The following ZCCHC14 variants were observed in gnomAD, a reference collection of about 807,000 sequenced individuals.
ZCCHC14 encodes zinc finger CCHC domain-containing protein 14.
ZCCHC14 carries 16 observed loss-of-function variants against 85.0 expected under a neutral mutation model. The ratio of observed to expected loss-of-function variants is 0.19; its 90% CI spans 0.13 to 0.29. The LOEUF (loss-of-function observed/expected upper bound fraction) is 0.29. ZCCHC14 is among the 10% of genes least tolerant of loss of function. The pLI, the probability that ZCCHC14 is intolerant of heterozygous loss-of-function variation, is 1.00. For synonymous variants in ZCCHC14, 775 were observed against 630.7 expected (o/e 1.23, Z -3.43); for missense variants, 1,303 against 1,443.5 (o/e 0.90, Z 1.58).
At chr16:87,462,856 G>C (rs1490972038) in intron 1 of ZCCHC14, among the ~76,000 whole-genome samples, 3 of 152,058 alleles carry the variant, frequency 2.0e-5, no homozygotes, top group Admixed American at 6.6e-5. Flanking sequence ...GATCACCTGA[G>C]GTCAGGAGTT....
At chr16:87,437,064 C>T (rs1176987103) in intron 2 of ZCCHC14, among the ~76,000 whole-genome samples, 2 of 152,006 alleles carry the variant, frequency 1.3e-5, no homozygotes, top group Admixed American at 1.3e-4. Context: ...CAGGGGCGGC[C>T]GGGAGCTCAC....
At chr16:87,450,178 G>A (rs978782582) in intron 2 of ZCCHC14, among the ~76,000 whole-genome samples, 1 of 152,164 alleles carries the variant, frequency 6.6e-6, no homozygotes, top group African/African-American at 2.4e-5. Context: ...GATACTTCCT[G>A]CTTTAAAATG....
intron 1 of ZCCHC14, among the ~76,000 whole-genome samples, chr16:87,463,445 C>T (rs997875434): frequency 1.3e-5 from 2 of 152,240 alleles, no homozygotes; most frequent in African/African-American, 2.4e-5. Flanking sequence ...TGAACCTCCA[C>T]ATTCTCTTAG....
intron 2 of ZCCHC14, among the ~76,000 whole-genome samples, chr16:87,440,552 C>A (rs1266968283): frequency 2.0e-5 from 3 of 152,154 alleles, no homozygotes; most frequent in African/African-American, 7.2e-5. Flanking sequence ...AGGGAAGTAT[C>A]CAGAGGTCAC....
chr16:87,412,224 G>A lies in ZCCHC14; in HGVS notation c.2497C>T (p.Leu833=), dbSNP rs1259319517. ...SAMSSMPVGP[L]QGGFCANSNT... ...CTGTTTGCACAGAAGCCACCCTGCA[G>A]GGGGCCCACTGGCATACTGCTCATT... The change falls in exon 12 of 13, where the codon CTG becomes TTG. Residue 833 remains leucine (L), a synonymous_variant. Transcript: ENST00000671377. The A allele has an allele frequency of 6.2e-7, 1 of 1,612,496 alleles. No homozygotes were observed. The highest frequency in any genetic ancestry group is 1.1e-5 in the South Asian group (1 of 91,020).
chr16:87,461,054 C>A (rs1911231923), intron 1 of ZCCHC14, among the ~76,000 whole-genome samples: 1 of 152,242 alleles, frequency 6.6e-6, no homozygotes, highest in Admixed American at 6.5e-5. Context: ...CACCCTCAGT[C>A]CCCATCGACA....
Position 87,412,601 on chromosome 16 carries a change from T to C in ZCCHC14, c.2120A>G (p.Gln707Arg). 6.2e-7 allele frequency: 1 copy of C among 1,614,174 alleles called. No homozygotes were observed. The highest frequency in any genetic ancestry group is 8.5e-7 in the Non-Finnish European group (1 of 1,180,034). The change falls in exon 12 of 13, where the codon CAG becomes CGG. Residue 707 changes from glutamine (Q) to arginine (R), a missense_variant. Coordinates refer to ENST00000671377, the MANE Select transcript of ZCCHC14 (RefSeq NM_015144.3). ...AAGCCCAGAGAGGACCTGCACAGGC[T>C]GGTGGGGTGCGGACGCGGGCAGCAC... Reference protein sequence around the residue: ...MDVLPASAPHQPVQVLSGLSE... With the variant: ...MDVLPASAPHRPVQVLSGLSE...
chr16:87,426,961 G>A (rs925745514), intron 3 of ZCCHC14, among the ~76,000 whole-genome samples: 3 of 152,260 alleles, frequency 2.0e-5, no homozygotes, highest in African/African-American at 7.2e-5. Flanking sequence ...AAGGCAGGAA[G>A]ACGAGGCAGC....
chr16:87,426,236 C>A (rs550297169), intron 3 of ZCCHC14, among the ~76,000 whole-genome samples: 2 of 152,288 alleles, frequency 1.3e-5, no homozygotes, highest in South Asian at 4.1e-4. Flanking sequence ...GGGGAACCGG[C>A]CGTTAGAGGG....
chr16:87,481,222 G>A (rs1399478185), intron 1 of ZCCHC14, among the ~76,000 whole-genome samples: 1 of 152,102 alleles, frequency 6.6e-6, no homozygotes, highest in Non-Finnish European at 1.5e-5. Flanking sequence ...GGGCACATCA[G>A]TGTTATTTCT....
At chr16:87,427,506 G>A (rs2150733906) in intron 3 of ZCCHC14, among the ~76,000 whole-genome samples, 1 of 152,152 alleles carries the variant, frequency 6.6e-6, no homozygotes, top group Admixed American at 6.5e-5. Context: ...TCCGCCTCCC[G>A]GGTTTAAGCG....
Position 87,425,505 on chromosome 16 carries a change from G to C in ZCCHC14, c.769-1624C>G, listed in dbSNP as rs191401860. Among the ~76,000 whole-genome samples the C allele has an allele frequency of 3.2e-3, 493 of 152,222 alleles. 2 individuals are homozygous for C. Among genetic ancestry groups the C allele is most frequent in the Non-Finnish European group, 5.1e-3 (347 of 68,014 alleles). Reference sequence around the variant, plus strand: ...GTGGGAGAACTGCTTGAACCCGGGAGGGGGAGGCTGCAGTGAGCCGAGATC... The same window carrying C: ...GTGGGAGAACTGCTTGAACCCGGGACGGGGAGGCTGCAGTGAGCCGAGATC... On this transcript the variant is annotated intron_variant, in intron 3 of 12. Transcript: ENST00000671377.
At chr16:87,455,285 T>TC (rs879343619) in intron 2 of ZCCHC14, among the ~76,000 whole-genome samples, 63 of 146,480 alleles carry the variant, frequency 4.3e-4, no homozygotes, top group African/African-American at 1.0e-3. Flanking sequence ...TGAAACTCCG[T>TC]CCCCCCCCGC....
At chr16:87,415,799 C>T (rs2150724401) in intron 8 of ZCCHC14, among the ~76,000 whole-genome samples, 1 of 152,296 alleles carries the variant, frequency 6.6e-6, no homozygotes, top group East Asian at 1.9e-4. Flanking sequence ...TAGCGTGCCA[C>T]CCCCACCCTC....
intron 1 of ZCCHC14, among the ~76,000 whole-genome samples, chr16:87,489,722 G>C (rs2150781570): frequency 1.3e-5 from 2 of 152,296 alleles, no homozygotes; most frequent in East Asian, 3.9e-4. Context: ...GAATAGATTA[G>C]CCCCTTCATC....
intron 2 of ZCCHC14, among the ~76,000 whole-genome samples, chr16:87,454,348 A>G (rs1269051121): frequency 6.6e-6 from 1 of 152,250 alleles, no homozygotes; most frequent in East Asian, 1.9e-4. Context: ...ACCAAGGCAC[A>G]TCACAGACAA....
chr16:87,420,576 G>A lies in ZCCHC14; in HGVS notation c.950+31C>T. On this transcript the variant is annotated intron_variant, in intron 5 of 12. Transcript: ENST00000671377. This position sits in a 1 kb window ranked among gnomAD's most constrained non-coding sequence, Gnocchi z 5.0. Reference sequence around the variant, plus strand: ...GGACCAGCCTGTCCTTGCCAGCTGTGGACGCGCCGGGTGCCTGGTAAGGGC... The same window carrying A: ...GGACCAGCCTGTCCTTGCCAGCTGTAGACGCGCCGGGTGCCTGGTAAGGGC... 6.4e-7 allele frequency: 1 copy of A among 1,570,306 alleles called. No homozygotes were observed. The highest frequency in any genetic ancestry group is 8.7e-7 in the Non-Finnish European group (1 of 1,150,368).
rs764699004 is a variant in ZCCHC14 at position 87,412,426 on chromosome 16, T to C, written c.2295A>G (p.Thr765=). 2.5e-6 allele frequency: 4 copies of C among 1,614,048 alleles called. No homozygotes were observed. The highest frequency in any genetic ancestry group is 1.3e-5 in the African/African-American group (1 of 75,040). The change falls in exon 12 of 13, where the codon ACA becomes ACG. Residue 765 remains threonine (T), a synonymous_variant. Coordinates refer to ENST00000671377, the MANE Select transcript of ZCCHC14 (RefSeq NM_015144.3). ...TSTAATGTPS[T]VLHAARPPIK... is the part of the protein sequence containing the mutation. ...TGGGCGGACGGGCGGCGTGGAGGAC[T>C]GTGCTGGGCGTCCCCGTGGCGGCCG...
chr16:87,430,932 G>T (rs1211041146), intron 3 of ZCCHC14, among the ~76,000 whole-genome samples: 2 of 149,980 alleles, frequency 1.3e-5, no homozygotes, highest in Non-Finnish European at 3.0e-5. Flanking sequence ...TTGAGCAGGG[G>T]AGTTTGAGAC....
Sources: gnomAD v4.1 joint callset for allele counts (sites outside exome capture counted in the v4.1 genomes callset) on GRCh38, gnomAD v4.1.1 for gene constraint, Gnocchi (gnomAD v3.1) non-coding constraint, MANE v1.5 for transcripts, NCBI Gene and HGNC (gene_info 2026-07-23, HGNC 2026-07-21) for gene names.